The following GALNT14 variants were observed in gnomAD, a reference collection of about 807,000 sequenced individuals.
The protein encoded by GALNT14 is polypeptide N-acetylgalactosaminyltransferase 14.
A neutral mutation model predicts 77.5 loss-of-function variants in GALNT14; 60 were observed. The observed-to-expected ratio is 0.77, with a 90% CI of 0.63 to 0.96. The LOEUF is 0.96. Ranked by LOEUF, GALNT14 falls within the 40% of genes least tolerant of loss-of-function variation. The pLI is 0.00. For synonymous variants in GALNT14, 280 were observed against 281.7 expected (o/e 0.99, Z 0.06); for missense variants, 710 against 731.0 (o/e 0.97, Z 0.33).
chr2:30,930,515 C>G (rs539109992), intron 10 of GALNT14, among the ~76,000 whole-genome samples: 1 of 152,328 alleles, frequency 6.6e-6, no homozygotes, highest in East Asian at 1.9e-4. Context: ...CTAAGGATCC[C>G]TCAGCCATCA....
intron 1 of GALNT14, chr2:31,125,057 G>T: frequency 1.2e-6 from 1 of 831,560 alleles, no homozygotes; most frequent in Non-Finnish European, 2.0e-6. Flanking sequence ...GTGCGCCCAG[G>T]AGCTCTGGCA....
chr2:30,902,543 G>T, the GALNT14 span, among the ~76,000 whole-genome samples: 1 of 151,950 alleles, frequency 6.6e-6, no homozygotes, highest in Non-Finnish European at 1.5e-5. Context: ...AGGCTGAGAT[G>T]AGGTGTGTTT....
chr2:31,088,289 C>T (rs2148594586), intron 1 of GALNT14, among the ~76,000 whole-genome samples: 1 of 152,294 alleles, frequency 6.6e-6, no homozygotes, highest in Non-Finnish European at 1.5e-5. Context: ...AAATGGGACA[C>T]AAGATGGAAG....
intron 1 of GALNT14, among the ~76,000 whole-genome samples, chr2:31,075,161 T>C (rs1240458473): frequency 6.6e-6 from 1 of 152,236 alleles, no homozygotes; most frequent in East Asian, 1.9e-4. Context: ...TCTTTGCTCC[T>C]GCTCTGTGAA....
Position 30,912,216 on chromosome 2 carries a change from C to A in GALNT14, c.1500+7G>T. ...GGCCACATCCCAGGGACCTGCTGAG[C>A]ACTTACCTGTCGGTCATCTCCATTC... On this transcript the variant is annotated splice_region_variant and intron_variant, in intron 14 of 14. Transcript: ENST00000349752. The A allele has an allele frequency of 1.2e-6, 2 of 1,613,968 alleles. No individual in the cohort carries two copies.
At chr2:31,007,856 T>C (rs891679977) in intron 1 of GALNT14, among the ~76,000 whole-genome samples, 1 of 152,116 alleles carries the variant, frequency 6.6e-6, no homozygotes, top group Non-Finnish European at 1.5e-5. Context: ...GGAAATGAGA[T>C]TAAAATTATC....
At chr2:30,983,499 T>C (rs1669112059) in intron 2 of GALNT14, among the ~76,000 whole-genome samples, 1 of 152,136 alleles carries the variant, frequency 6.6e-6, no homozygotes, top group South Asian at 2.1e-4. Flanking sequence ...ATGTGAAATG[T>C]AGGAGGCAAA....
intron 1 of GALNT14, among the ~76,000 whole-genome samples, chr2:31,020,147 A>T (rs1271633242): frequency 6.6e-6 from 1 of 152,162 alleles, no homozygotes; most frequent in Non-Finnish European, 1.5e-5. Context: ...GGACTTGGGA[A>T]CACACGTCAG....
chr2:30,890,271 T>C, the GALNT14 span, among the ~76,000 whole-genome samples: 1 of 152,202 alleles, frequency 6.6e-6, no homozygotes, highest in Non-Finnish European at 1.5e-5. Context: ...AGGAGAGAGC[T>C]GCATTCTTCA....
chr2:30,936,692 AG>A (rs1248723759), intron 9 of GALNT14, among the ~76,000 whole-genome samples: 2 of 152,200 alleles, frequency 1.3e-5, no homozygotes, highest in African/African-American at 4.8e-5. Context: ...TAATGAATGA[AG>A]GGACTTGGGT....
In GALNT14 at chr2:31,130,783, T is replaced by TGCGCGC. The variant is rs1553382625; in HGVS notation, c.129+7169_129+7174dup. ...GTGTGTGTGTGTGTGTGTGTGTGTG[T>TGCGCGC]GCGCGCGCACCTGTGTGTGTGCCTG... is the stretch of plus-strand genomic sequence containing the variant. On this transcript the variant is annotated intron_variant, in intron 1 of 14. Transcript: ENST00000349752. 8.4e-4 allele frequency among the ~76,000 whole-genome samples: 100 copies of TGCGCGC among 118,654 alleles called. 1 individual carries two copies. Among genetic ancestry groups the TGCGCGC allele is most frequent in the African/African-American group, 3.4e-3 (94 of 27,396 alleles). 77.8% of individuals were successfully genotyped at this position (118,654 alleles called of 152,430 possible). A position where few individuals can be genotyped will look rare whatever the true frequency, so the allele number is the denominator to read the frequency against.
the GALNT14 span, among the ~76,000 whole-genome samples, chr2:30,894,253 G>A: frequency 6.6e-6 from 1 of 152,208 alleles, no homozygotes; most frequent in Admixed American, 6.5e-5. Flanking sequence ...TGTAGCCTCA[G>A]TAGACCTGGT....
At chr2:31,072,899 TA>T (rs533440402) in intron 1 of GALNT14, among the ~76,000 whole-genome samples, 71 of 152,318 alleles carry the variant, frequency 4.7e-4, no homozygotes, top group African/African-American at 1.4e-3. Flanking sequence ...CACATAATGA[TA>T]AATTGGTTTT....
intron 1 of GALNT14, among the ~76,000 whole-genome samples, chr2:31,047,442 G>C (rs941075889): frequency 6.6e-6 from 1 of 152,104 alleles, no homozygotes; most frequent in Non-Finnish European, 1.5e-5. Context: ...CAAAAGACAG[G>C]GCATCCCAGG....
At chr2:30,947,685 A>G (rs1666784898) in intron 6 of GALNT14, among the ~76,000 whole-genome samples, 1 of 152,220 alleles carries the variant, frequency 6.6e-6, no homozygotes, top group African/African-American at 2.4e-5. Context: ...CCCTTTGGCC[A>G]GCACAGGCAG....
At chr2:31,040,019 A>G (rs536493974) in intron 1 of GALNT14, among the ~76,000 whole-genome samples, 3 of 152,216 alleles carry the variant, frequency 2.0e-5, no homozygotes, top group Non-Finnish European at 4.4e-5. Context: ...AGACAAATAT[A>G]AAGCTTAACT....
chr2:30,959,161 G>A (rs1042718882), intron 3 of GALNT14, among the ~76,000 whole-genome samples: 6 of 152,076 alleles, frequency 3.9e-5, no homozygotes, highest in African/African-American at 1.4e-4. Context: ...CAGTTTGAAT[G>A]TCACTTCCTC....
intron 2 of GALNT14, among the ~76,000 whole-genome samples, chr2:30,967,806 G>A (rs1378570796): frequency 6.6e-6 from 1 of 152,040 alleles, no homozygotes; most frequent in Non-Finnish European, 1.5e-5. Flanking sequence ...GCTTCCTCTG[G>A]TTTGAATCCC....
At chr2:31,133,951 CT>C (rs1434802094) in intron 1 of GALNT14, among the ~76,000 whole-genome samples, 18 of 152,212 alleles carry the variant, frequency 1.2e-4, no homozygotes, top group Non-Finnish European at 2.2e-4. Context: ...CTTCTTGAAA[CT>C]AAGAAAAAAG....
Sources: allele counts gnomAD v4.1 joint callset (sites outside exome capture counted in the v4.1 genomes callset), GRCh38; gene constraint gnomAD v4.1.1; transcripts MANE v1.5; gene names NCBI Gene and HGNC (gene_info 2026-07-23, HGNC 2026-07-21).